The following NOS3 variants were observed in gnomAD, a reference collection of about 807,000 sequenced individuals.
NOS3 encodes nitric oxide synthase 3.
In NOS3, 98 loss-of-function variants were observed where a neutral mutation model predicts 144.9. The ratio of observed to expected loss-of-function variants is 0.68; its 90% CI spans 0.57 to 0.80. The LOEUF is 0.80. NOS3 is among the 30% of genes least tolerant of loss of function. The probability of loss-of-function intolerance (pLI) is 0.00; values close to 1 mark genes in which losing one functional copy is unlikely to be tolerated. For synonymous variants in NOS3, 714 were observed against 702.4 expected (o/e 1.02, Z -0.26); for missense variants, 1,465 against 1,656.4 (o/e 0.88, Z 2.01).
intron 9 of NOS3, 57 bp downstream of exon 9, chr7:150,999,421 G>T: frequency 6.7e-7 from 1 of 1,498,364 alleles, no homozygotes; most frequent in East Asian, 2.3e-5. Flanking sequence ...CAGGAGTCTG[G>T]CTCTCACTCC....
chr7:151,009,134 G>A (rs1293690486), intron 18 of NOS3, 55 bp from the exon 19 acceptor site: 65 of 1,613,104 alleles, frequency 4.0e-5, no homozygotes, highest in Non-Finnish European at 5.1e-5. Flanking sequence ...AGCACTCTGG[G>A]GCCAGGCCCT....
intron 21 of NOS3, 57 bp from the exon 22 acceptor site, chr7:151,010,540 G>C: frequency 6.8e-7 from 1 of 1,464,816 alleles, no homozygotes; most frequent in Non-Finnish European, 9.2e-7. Context: ...GGGTCAAGAA[G>C]GGAGGTTACT....
rs769649020 is a variant in NOS3 at position 150,996,884 on chromosome 7, G to A, written c.541G>A (p.Ala181Thr). 33 of 1,582,624 alleles carry A rather than the reference G, an allele frequency of 2.1e-5. No individual in the cohort carries two copies. Among genetic ancestry groups the A allele is most frequent in the East Asian group, 2.1e-4 (9 of 43,432 alleles). ...CGGGGCTAAGCAGGCCTGGCGCAAC[G>A]CTCCCCGCTGCGTGGGCCGGATCCA... ...VFGAKQAWRN[A>T]PRCVGRIQWG... is the part of the protein sequence containing the mutation. The change falls in exon 5 of 27, where the codon GCT (alanine) becomes ACT (threonine). Residue 181 changes from alanine to threonine, a missense_variant. By Grantham distance (58) the Ala-to-Thr change is moderately conservative. Around this residue, in one of 5 missense-constraint regions of NOS3, gnomAD observed 374 missense variants for 377.0 expected, o/e 0.99. Coordinates refer to ENST00000297494, the MANE Select transcript of NOS3 (RefSeq NM_000603.5).
In NOS3 at chr7:151,003,393, T is replaced by A; in HGVS notation, c.1752+1089T>A. ...CACCTGCCTCGGCCTCCCAAAGTGC[T>A]GCGATTATAGACGTGAGCCACTGCA... On this transcript the variant is annotated intron_variant, in intron 14 of 26. Transcript: ENST00000297494. This position sits in a 1 kb window ranked among gnomAD's most constrained non-coding sequence, Gnocchi z 4.1. The A allele has an allele frequency of 8.1e-7, 1 of 1,229,678 alleles. No homozygotes were observed. The highest frequency in any genetic ancestry group is 1.0e-6 in the Non-Finnish European group (1 of 953,334). The allele number at this position is 1,229,678 out of a possible 1,614,324, so 76.2% of individuals were successfully genotyped here. A position where few individuals can be genotyped will look rare whatever the true frequency, so the allele number is the denominator to read the frequency against.
chr7:150,993,916 C>G lies in NOS3; in HGVS notation c.113C>G (p.Pro38Arg), dbSNP rs907719973. The change falls in exon 2 of 27, where the codon CCC becomes CGC. Residue 38 changes from proline (P) to arginine (R), a missense_variant. Physicochemically the swap from Pro to Arg is moderately radical, Grantham distance 103. Transcript: ENST00000297494. This position sits in a 1 kb window ranked among gnomAD's most constrained non-coding sequence, Gnocchi z 4.0. ...KQGPATPAPEPSRAPASLLPP... is the reference protein window; with the variant it reads ...KQGPATPAPERSRAPASLLPP... ...GGCCCAGCCACCCCGGCCCCTGAGC[C>G]CAGCCGGGCCCCAGCATCCCTACTC... 5.7e-6 allele frequency: 9 copies of G among 1,583,520 alleles called. No homozygotes were observed. Among genetic ancestry groups the G allele is most frequent in the Admixed American group, 5.4e-5 (3 of 55,724 alleles).
At position 151,014,011 on chromosome 7, in the gene NOS3, C is replaced by A; in HGVS notation, c.3454C>A (p.Gln1152Lys). The A allele has an allele frequency of 6.2e-7, 1 of 1,612,630 alleles. No homozygotes were observed. ...CCACTGTGCTCTTTTCCGACAGGAT[C>A]AGCAACGCTACCACGAAGACATTTT... Reference protein sequence around the residue: ...AGDVIGVLRDQQRYHEDIFGL... With the variant: ...AGDVIGVLRDKQRYHEDIFGL... Residue 1152 changes from glutamine (Q) to lysine (K), a missense_variant, in exon 27 of 27, where the codon CAG becomes AAG. By Grantham distance (53) the Gln-to-Lys change is moderately conservative (BLOSUM62 1). This residue lies in a region of NOS3 where 228 missense variants were observed against 227.7 expected (regional missense o/e 1.00). Transcript: ENST00000297494.
At chr7:151,013,470 T>G in intron 25 of NOS3, 91 bp downstream of exon 25, 1 of 1,450,100 alleles carries the variant, frequency 6.9e-7, no homozygotes, top group Non-Finnish European at 9.3e-7. Flanking sequence ...ACCACGGCCC[T>G]CCCGTGGCCT....
chr7:151,003,823 G>T lies in NOS3; in HGVS notation c.1752+1519G>T. On this transcript the variant is annotated intron_variant, in intron 14 of 26. Coordinates refer to ENST00000297494, the MANE Select transcript of NOS3 (RefSeq NM_000603.5). The surrounding 1 kb of genome is among the most constrained non-coding windows in gnomAD (Gnocchi z 4.1). ...TATTTCACTCATTCTGCTGCTGAGT[G>T]CCGTTCATTGTGTGAATATCCCCAG... 1 of 436,938 alleles carries T rather than the reference G, an allele frequency of 2.3e-6. No homozygotes were observed. Among genetic ancestry groups the T allele is most frequent in the Non-Finnish European group, 4.8e-6 (1 of 210,326 alleles). 27.1% of individuals were successfully genotyped at this position (436,938 alleles called of 1,614,324 possible).
intron 15 of NOS3, 30 bp downstream of exon 15, chr7:151,006,524 G>C (rs1563226565): frequency 6.3e-7 from 1 of 1,581,120 alleles, no homozygotes; most frequent in Non-Finnish European, 8.7e-7. Flanking sequence ...GGGGGAGCTG[G>C]GGGAGCTGAT....
intron 5 of NOS3, among the ~76,000 whole-genome samples, chr7:150,998,000 T>C (rs1244017459): frequency 2.6e-5 from 4 of 152,156 alleles, no homozygotes; most frequent in African/African-American, 7.2e-5. Context: ...TTGAATGCCA[T>C]GGATCATGGG....
chr7:150,998,108 G>A lies in NOS3; in HGVS notation c.583-249G>A, dbSNP rs1440030765. 1.3e-5 allele frequency among the ~76,000 whole-genome samples: 2 copies of A among 152,220 alleles called. No individual in the cohort carries two copies. Among genetic ancestry groups the A allele is most frequent in the Non-Finnish European group, 2.9e-5 (2 of 68,046 alleles). On this transcript the variant is annotated intron_variant, in intron 5 of 26. Transcript: ENST00000297494. The surrounding 1 kb of genome is among the most constrained non-coding windows in gnomAD (Gnocchi z 5.0). Reference sequence around the variant, plus strand: ...GAGGCCGAGTCCCTCCTCTGTACTGGATACCAAGTCAGCTTCCATAGGGAT... The same window carrying A: ...GAGGCCGAGTCCCTCCTCTGTACTGAATACCAAGTCAGCTTCCATAGGGAT...
chr7:151,006,507 A>G lies in NOS3; in HGVS notation c.1820+13A>G. On this transcript the variant is annotated intron_variant, in intron 15 of 26. Coordinates refer to ENST00000297494, the MANE Select transcript of NOS3 (RefSeq NM_000603.5). ...CGGAACAGCACAAGTGAGTTGGGTG[A>G]GAGTTTGGGGGAGCTGGGGGAGCTG... 1 of 1,609,260 alleles carries G rather than the reference A, an allele frequency of 6.2e-7. No homozygotes were observed. The highest frequency in any genetic ancestry group is 8.5e-7 in the Non-Finnish European group (1 of 1,177,004).
intron 10 of NOS3, 68 bp downstream of exon 10, chr7:151,000,667 G>A: frequency 1.9e-6 from 2 of 1,043,814 alleles, no homozygotes; most frequent in Non-Finnish European, 2.9e-6. Flanking sequence ...GCGGGGGATG[G>A]AGGAGAGGCA....
rs894952713 is a variant in NOS3 at position 151,012,237 on chromosome 7, A to AT, written c.2985-105dup. ...TTTTTTGTTTTTTGTTTTTTTTTTA[A>AT]TTTTTTTTTGAGATGGGAAGAACTT... On this transcript the variant is annotated intron_variant, in intron 23 of 26. Coordinates refer to ENST00000297494, the MANE Select transcript of NOS3 (RefSeq NM_000603.5). 617 of 802,888 alleles carry AT rather than the reference A, an allele frequency of 7.7e-4. 1 individual carries two copies. The highest frequency in any genetic ancestry group is 2.1e-3 in the African/African-American group (119 of 55,966). 49.7% of individuals were successfully genotyped at this position (802,888 alleles called of 1,614,324 possible). A position where few individuals can be genotyped will look rare whatever the true frequency, so the allele number is the denominator to read the frequency against.
In NOS3 at chr7:151,009,539, G is replaced by A. The variant is rs558767937; in HGVS notation, c.2466G>A (p.Ala822=). 2.8e-5 allele frequency: 43 copies of A among 1,544,592 alleles called. No homozygotes were observed. The South Asian group carries it at 3.1e-4, about 11-fold the overall frequency. ...ALLSRVEDPP[A]PTEPVAVEQL... Reference sequence around the variant, plus strand: ...TGAGCCGCGTGGAGGACCCGCCGGCGCCCACTGAGCCCGTGGCAGTAGAGC... The same window carrying A: ...TGAGCCGCGTGGAGGACCCGCCGGCACCCACTGAGCCCGTGGCAGTAGAGC... Residue 822 remains alanine (A), a synonymous_variant, in exon 20 of 27, where the codon GCG becomes GCA. Coordinates refer to ENST00000297494, the MANE Select transcript of NOS3 (RefSeq NM_000603.5).
In NOS3 at chr7:151,013,856, A is replaced by G; in HGVS notation, c.3388A>G (p.Ile1130Val). The change falls in exon 26 of 27, where the codon ATC becomes GTC. Residue 1130 changes from isoleucine to valine, a missense_variant. Ile to Val is a conservative substitution (Grantham distance 29). Coordinates refer to ENST00000297494, the MANE Select transcript of NOS3 (RefSeq NM_000603.5). The stretch of plus-strand genomic sequence containing the variant: ...CAACGTCCTGCAGACCGTGCAGCGC[A>G]TCCTGGCGACGGAGGGCGACATGGA... ...ATNVLQTVQR[I>V]LATEGDMELD... 6.2e-7 allele frequency: 1 copy of G among 1,604,860 alleles called. No homozygotes were observed. Among genetic ancestry groups the G allele is most frequent in the Non-Finnish European group, 8.5e-7 (1 of 1,176,304 alleles).
At chr7:150,996,704 G>A in intron 4 of NOS3, 59 bp from the exon 5 acceptor site, 1 of 1,570,764 alleles carries the variant, frequency 6.4e-7, no homozygotes, top group South Asian at 1.1e-5. Flanking sequence ...GCCTGGAGGA[G>A]GGCCTCCCTG....
In NOS3 at chr7:150,993,944, A is replaced by C; in HGVS notation, c.141A>C (p.Pro47=). Reference sequence around the variant, plus strand: ...GCCGGGCCCCAGCATCCCTACTCCCACCAGCGCCAGAACACAGGTAAGGGC... The same window carrying C: ...GCCGGGCCCCAGCATCCCTACTCCCCCCAGCGCCAGAACACAGGTAAGGGC... ...EPSRAPASLL[P]PAPEHSPPSS... is the part of the protein sequence containing the mutation. Residue 47 remains proline, a synonymous_variant, in exon 2 of 27, where the codon CCA becomes CCC. Transcript: ENST00000297494. This position sits in a 1 kb window ranked among gnomAD's most constrained non-coding sequence, Gnocchi z 4.0. The C allele has an allele frequency of 6.4e-7, 1 of 1,568,554 alleles. No homozygotes were observed. Among genetic ancestry groups the C allele is most frequent in the Non-Finnish European group, 8.6e-7 (1 of 1,159,238 alleles).
chr7:151,011,184 T>G (rs1436240672), intron 23 of NOS3, among the ~76,000 whole-genome samples, 198 bp downstream of exon 23: 4 of 152,096 alleles, frequency 2.6e-5, no homozygotes, highest in African/African-American at 9.7e-5. Context: ...AGTTCTGCCC[T>G]GAAACTATAG....
Sources: allele counts gnomAD v4.1 joint callset (sites outside exome capture counted in the v4.1 genomes callset), GRCh38; gene constraint gnomAD v4.1.1; regional missense constraint gnomAD v4.1.1; non-coding constraint Gnocchi (gnomAD v3.1); transcripts MANE v1.5; gene names NCBI Gene and HGNC (gene_info 2026-07-23, HGNC 2026-07-21).